The following FEM1B variants were observed in gnomAD, a reference collection of about 807,000 sequenced individuals.
FEM1B encodes protein fem-1 homolog B.
Under a neutral mutation model 38.6 loss-of-function variants are expected in FEM1B, and 10 were observed. That is an observed-to-expected ratio of 0.26 (90% CI 0.16 to 0.44). The LOEUF (loss-of-function observed/expected upper bound fraction) is 0.44. FEM1B is among the 20% of genes least tolerant of loss of function. The probability of loss-of-function intolerance (pLI) is 1.00; values close to 1 mark genes in which losing one functional copy is unlikely to be tolerated. For missense variants in FEM1B, 471 were observed against 786.7 expected (o/e 0.60, Z 4.80); for synonymous variants, 288 against 288.0 (o/e 1.00, Z 0.00).
chr15:68,291,018 T>G lies in FEM1B; in HGVS notation c.1660T>G (p.Ser554Ala). ...CATCAGTGATTTTTTGACCTTGCAC[T>G]CCATCATCATTAGCCTAGTTGAAGC... ...RPISDFLTLH[S>A]IIISLVEAGA... Residue 554 changes from serine (S) to alanine (A), a missense_variant, in exon 2 of 2, where the codon TCC (serine) becomes GCC (alanine). This residue lies in a region of FEM1B where 380 missense variants were observed against 599.6 expected (regional missense o/e 0.63). Coordinates refer to ENST00000306917, the MANE Select transcript of FEM1B (RefSeq NM_015322.5). This position sits in a 1 kb window ranked among gnomAD's most constrained non-coding sequence, Gnocchi z 6.9. 5.6e-6 allele frequency: 9 copies of G among 1,614,128 alleles called. No homozygotes were observed. Among genetic ancestry groups the G allele is most frequent in the Non-Finnish European group, 7.6e-6 (9 of 1,179,988 alleles).
Position 68,281,638 on chromosome 15 carries a change from G to A in FEM1B, c.248+2973G>A, listed in dbSNP as rs1892728261. 6.6e-6 allele frequency among the ~76,000 whole-genome samples: 1 copy of A among 151,260 alleles called. No individual in the cohort carries two copies. Among genetic ancestry groups the A allele is most frequent in the South Asian group, 2.1e-4 (1 of 4,816 alleles). ...GTTCTTGTTCACTTTTTTTTTTTGAGACGGAGTCTCGCTCTGTCGCCGGGG... is the reference window on the plus strand; with the variant it reads ...GTTCTTGTTCACTTTTTTTTTTTGAAACGGAGTCTCGCTCTGTCGCCGGGG... On this transcript the variant is annotated intron_variant, in intron 1 of 1. Transcript: ENST00000306917. The surrounding 1 kb of genome is among the most constrained non-coding windows in gnomAD (Gnocchi z 5.1).
At chr15:68,287,340 G>T (rs1031708542) in intron 1 of FEM1B, among the ~76,000 whole-genome samples, 2 of 152,188 alleles carry the variant, frequency 1.3e-5, no homozygotes, top group Non-Finnish European at 2.9e-5. Context: ...AGTTTGGTGA[G>T]TTTTTTCCCT....
intron 1 of FEM1B, among the ~76,000 whole-genome samples, chr15:68,282,736 C>T (rs1322966499): frequency 6.6e-6 from 1 of 152,108 alleles, no homozygotes; most frequent in East Asian, 1.9e-4. Context: ...GTAAATACTG[C>T]ATTAATTTTA....
chr15:68,292,214 A>C lies in FEM1B; in HGVS notation c.*972A>C, dbSNP rs1892854494. ...TTATGACAGATGAAAAGGAACCAGG[A>C]TATGTTTGAATTTTTTCACTTTCTT... On this transcript the variant is annotated 3_prime_UTR_variant, in exon 2 of 2. Transcript: ENST00000306917. The C allele has an allele frequency of 6.6e-6, 1 of 152,172 alleles. No homozygotes were observed. The allele number at this position is 152,172 out of a possible 1,614,324, so 9.4% of individuals were successfully genotyped here.
chr15:68,279,946 T>G (rs1488467956), intron 1 of FEM1B: 1 of 152,240 alleles, frequency 6.6e-6, no homozygotes, highest in African/African-American at 2.4e-5. Flanking sequence ...GTGTCTTCTC[T>G]GTAACTCCTT....
At position 68,284,794 on chromosome 15, in the gene FEM1B, C is replaced by G. The variant is rs117515767; in HGVS notation, c.249-4813C>G. On this transcript the variant is annotated intron_variant, in intron 1 of 1. Coordinates refer to ENST00000306917, the MANE Select transcript of FEM1B (RefSeq NM_015322.5). The surrounding 1 kb of genome is among the most constrained non-coding windows in gnomAD (Gnocchi z 4.4). ...GTGGGAGGGACCTGGTGGGAGGCAACTGAATCATGGAAGCAGGTCTTTCCC... is the reference window on the plus strand; with the variant it reads ...GTGGGAGGGACCTGGTGGGAGGCAAGTGAATCATGGAAGCAGGTCTTTCCC... Among the ~76,000 whole-genome samples the G allele has an allele frequency of 0.029, 4,465 of 152,268 alleles. 103 individuals are homozygous for G. The highest frequency in any genetic ancestry group is 0.045 in the Non-Finnish European group (3,037 of 68,028).
At chr15:68,282,560 T>C (rs1001996630) in intron 1 of FEM1B, among the ~76,000 whole-genome samples, 2 of 152,194 alleles carry the variant, frequency 1.3e-5, no homozygotes, top group Non-Finnish European at 2.9e-5. Context: ...TATCTCTTAT[T>C]GTGAAAAGTT....
At chr15:68,287,612 T>C (rs1195768386) in intron 1 of FEM1B, among the ~76,000 whole-genome samples, 1 of 152,252 alleles carries the variant, frequency 6.6e-6, no homozygotes, top group Non-Finnish European at 1.5e-5. Flanking sequence ...GATATTTATA[T>C]GTCTTAGTCT....
chr15:68,295,662 CAT>C lies in FEM1B; in HGVS notation c.*4422_*4423del, dbSNP rs1188295007. 2 of 152,210 alleles carry C rather than the reference CAT, an allele frequency of 1.3e-5. No individual in the cohort carries two copies. The highest frequency in any genetic ancestry group is 2.9e-5 in the Non-Finnish European group (2 of 68,038). The allele number at this position is 152,210 out of a possible 1,614,324, so 9.4% of individuals were successfully genotyped here. A position where few individuals can be genotyped will look rare whatever the true frequency, so the allele number is the denominator to read the frequency against. On this transcript the variant is annotated 3_prime_UTR_variant, in exon 2 of 2. Coordinates refer to ENST00000306917, the MANE Select transcript of FEM1B (RefSeq NM_015322.5). Reference sequence around the variant, plus strand: ...AAACCATTTATGTGACTTTAATAAACATAGTAAACTTGCTGACTGCACCAGAG... The same window carrying C: ...AAACCATTTATGTGACTTTAATAAACAGTAAACTTGCTGACTGCACCAGAG...
rs1221730769 is a variant in FEM1B, at chr15:68,290,295, G to T, written c.937G>T (p.Glu313Ter). The change falls in exon 2 of 2, where the codon GAA becomes TAA. Residue 313 changes from glutamate to a stop codon, truncating the protein, a stop_gained. Coordinates refer to ENST00000306917, the MANE Select transcript of FEM1B (RefSeq NM_015322.5). LOFTEE classifies it high-confidence loss of function. The surrounding 1 kb of genome is among the most constrained non-coding windows in gnomAD (Gnocchi z 9.7). ...GNRTECRNPQ[E>*]LESIRQDRDA... ...TAGAACTGAATGTAGAAATCCTCAG[G>T]AACTGGAGTCCATTCGGCAAGACAG... is the stretch of plus-strand genomic sequence containing the variant. 1 of 1,614,072 alleles carries T rather than the reference G, an allele frequency of 6.2e-7. No individual in the cohort carries two copies. The highest frequency in any genetic ancestry group is 8.5e-7 in the Non-Finnish European group (1 of 1,180,008).
Position 68,281,779 on chromosome 15 carries a change from G to A in FEM1B, c.248+3114G>A, listed in dbSNP as rs566968778. On this transcript the variant is annotated intron_variant, in intron 1 of 1. Transcript: ENST00000306917. This position sits in a 1 kb window ranked among gnomAD's most constrained non-coding sequence, Gnocchi z 5.1. ...ACTACAGGTGCCCACAACCATGCCT[G>A]GCTATTTTTTGTATTTTTAGTAGAG... 2.2e-4 allele frequency among the ~76,000 whole-genome samples: 34 copies of A among 151,806 alleles called. 1 individual carries two copies. In the East Asian group the frequency reaches 6.4e-3, roughly 28 times the overall value.
rs1892813258 is a variant in FEM1B at position 68,288,555 on chromosome 15, G to A, written c.249-1052G>A. ...GGAAAAATTGACAGTAGAAAGGTGG[G>A]AAAGATCAGACTCTAGCAATAGTCT... On this transcript the variant is annotated intron_variant, in intron 1 of 1. Transcript: ENST00000306917. This position sits in a 1 kb window ranked among gnomAD's most constrained non-coding sequence, Gnocchi z 4.6. Among the ~76,000 whole-genome samples, 1 of 152,200 alleles carries A rather than the reference G, an allele frequency of 6.6e-6. No homozygotes were observed. Among genetic ancestry groups the A allele is most frequent in the Non-Finnish European group, 1.5e-5 (1 of 68,022 alleles).
rs954913580 is a variant in FEM1B at position 68,295,729 on chromosome 15, T to A, written c.*4487T>A. 1 of 152,234 alleles carries A rather than the reference T, an allele frequency of 6.6e-6. No homozygotes were observed. Among genetic ancestry groups the A allele is most frequent in the African/African-American group, 2.4e-5 (1 of 41,458 alleles). The allele number at this position is 152,234 out of a possible 1,614,324, so 9.4% of individuals were successfully genotyped here. ...TATATATTGCATGACATTTTCTATT[T>A]GAGTTTGACATGTAGAGTCATTTTT... On this transcript the variant is annotated 3_prime_UTR_variant, in exon 2 of 2. Transcript: ENST00000306917.
chr15:68,292,765 C>T lies in FEM1B; in HGVS notation c.*1523C>T, dbSNP rs904427353. 1.3e-5 allele frequency: 2 copies of T among 151,654 alleles called. No individual in the cohort carries two copies. Among genetic ancestry groups the T allele is most frequent in the African/African-American group, 4.8e-5 (2 of 41,262 alleles). 9.4% of individuals were successfully genotyped at this position (151,654 alleles called of 1,614,324 possible). On this transcript the variant is annotated 3_prime_UTR_variant, in exon 2 of 2. Transcript: ENST00000306917. ...TTTGTAAAGTGTAAGAGAAAGGTTG[C>T]AGTTGGATCAGTATAAAACAATGAC... is the stretch of plus-strand genomic sequence containing the variant.
chr15:68,289,796 C>T lies in FEM1B; in HGVS notation c.438C>T (p.Asn146=), dbSNP rs375170532. 2.5e-6 allele frequency: 4 copies of T among 1,614,054 alleles called. No homozygotes were observed. The African/African-American group carries it at 4.0e-5, about 16-fold the overall frequency. The change falls in exon 2 of 2, where the codon AAC becomes AAT. Residue 146 remains asparagine, a synonymous_variant. Transcript: ENST00000306917. This position sits in a 1 kb window ranked among gnomAD's most constrained non-coding sequence, Gnocchi z 6.9. ...AATACTTGGTTGAAAATAATGCCAA[C>T]ATCAGCATTGCCAACAAATATGACA... is the stretch of plus-strand genomic sequence containing the variant. ...IVKYLVENNA[N]ISIANKYDNT...
chr15:68,278,008 T>C lies in FEM1B; in HGVS notation c.-410T>C. The C allele has an allele frequency of 5.0e-6, 1 of 201,420 alleles. No individual in the cohort carries two copies. The highest frequency in any genetic ancestry group is 7.9e-5 in the South Asian group (1 of 12,728). 12.5% of individuals were successfully genotyped at this position (201,420 alleles called of 1,614,324 possible). A position where few individuals can be genotyped will look rare whatever the true frequency, so the allele number is the denominator to read the frequency against. The stretch of plus-strand genomic sequence containing the variant: ...CCGGGTCAGGAGAGACGCGCCCATC[T>C]TTCGCCATCCGGGGTGCGCGAGGTC... On this transcript the variant is annotated 5_prime_UTR_variant, in exon 1 of 2. Coordinates refer to ENST00000306917, the MANE Select transcript of FEM1B (RefSeq NM_015322.5). The surrounding 1 kb of genome is among the most constrained non-coding windows in gnomAD (Gnocchi z 5.7).
rs1892691558 is a variant in FEM1B, at chr15:68,278,724, C to A, written c.248+59C>A. 1 of 1,588,750 alleles carries A rather than the reference C, an allele frequency of 6.3e-7. No homozygotes were observed. Among genetic ancestry groups the A allele is most frequent in the African/African-American group, 1.3e-5 (1 of 74,406 alleles). On this transcript the variant is annotated intron_variant, in intron 1 of 1. Transcript: ENST00000306917. The surrounding 1 kb of genome is among the most constrained non-coding windows in gnomAD (Gnocchi z 5.7). ...CGCGCGGACTCGTTAATTCACGGGCCCTCCCCTCCCTCACCCTCTCTTACC... is the reference window on the plus strand; with the variant it reads ...CGCGCGGACTCGTTAATTCACGGGCACTCCCCTCCCTCACCCTCTCTTACC...
Position 68,290,912 on chromosome 15 carries a change from G to T in FEM1B, c.1554G>T (p.Leu518=). ...CAAATGCACTTGTCACAAAGCTCCT[G>T]CTGGACTGTGGTGCTGAGGTGAATG... is the stretch of plus-strand genomic sequence containing the variant. The part of the protein sequence containing the change: ...SFPNALVTKL[L]LDCGAEVNAV... The change falls in exon 2 of 2, where the codon CTG becomes CTT. Residue 518 remains leucine (L), a synonymous_variant. Coordinates refer to ENST00000306917, the MANE Select transcript of FEM1B (RefSeq NM_015322.5). This position sits in a 1 kb window ranked among gnomAD's most constrained non-coding sequence, Gnocchi z 9.7. 1.9e-6 allele frequency: 3 copies of T among 1,614,144 alleles called. No individual in the cohort carries two copies. Among genetic ancestry groups the T allele is most frequent in the Non-Finnish European group, 2.5e-6 (3 of 1,180,018 alleles).
rs1056919414 is a variant in FEM1B at position 68,284,640 on chromosome 15, C to G, written c.249-4967C>G. Reference sequence around the variant, plus strand: ...TAGATCAATGTGTAGAACACTTTATCACTCTAAAAGTTTCCCTTGTGCCCC... The same window carrying G: ...TAGATCAATGTGTAGAACACTTTATGACTCTAAAAGTTTCCCTTGTGCCCC... On this transcript the variant is annotated intron_variant, in intron 1 of 1. Coordinates refer to ENST00000306917, the MANE Select transcript of FEM1B (RefSeq NM_015322.5). The surrounding 1 kb of genome is among the most constrained non-coding windows in gnomAD (Gnocchi z 4.4). Among the ~76,000 whole-genome samples the G allele has an allele frequency of 2.0e-5, 3 of 152,074 alleles. No homozygotes were observed. The highest frequency in any genetic ancestry group is 4.8e-5 in the African/African-American group (2 of 41,384).
Sources: allele counts gnomAD v4.1 joint callset (sites outside exome capture counted in the v4.1 genomes callset), GRCh38; gene constraint gnomAD v4.1.1; regional missense constraint gnomAD v4.1.1; non-coding constraint Gnocchi (gnomAD v3.1); transcripts MANE v1.5; gene names NCBI Gene and HGNC (gene_info 2026-07-23, HGNC 2026-07-21).